PPP3R1: variants seen among roughly 807,000 people sequenced by gnomAD.
PPP3R1 encodes calcineurin subunit B type 1.
PPP3R1 carries 5 observed loss-of-function variants against 22.6 expected under a neutral mutation model. That is an observed-to-expected ratio of 0.22 (90% CI 0.12 to 0.46). The LOEUF is 0.46. Ranked by LOEUF, PPP3R1 falls within the 20% of genes least tolerant of loss-of-function variation. The pLI, the probability that PPP3R1 is intolerant of heterozygous loss-of-function variation, is 0.99. For synonymous variants in PPP3R1, 56 were observed against 65.2 expected, an observed-to-expected ratio of 0.86 and a Z score of 0.68; for missense variants, 61 against 203.2, an observed-to-expected ratio of 0.30 and a Z score of 4.25.
chr2:68,233,016 T>G (rs1669949519), intron 1 of PPP3R1, among the ~76,000 whole-genome samples: 1 of 152,220 alleles, frequency 6.6e-6, no homozygotes, highest in South Asian at 2.1e-4. Context: ...AAACACTTTC[T>G]TATTTGCTTA....
chr2:68,233,503 C>T (rs1553409015), intron 1 of PPP3R1, among the ~76,000 whole-genome samples: 1 of 152,100 alleles, frequency 6.6e-6, no homozygotes, highest in Non-Finnish European at 1.5e-5. Context: ...TCTCGAAATA[C>T]TGAGTATTAT....
chr2:68,212,003 G>A (rs974991365), intron 2 of PPP3R1, among the ~76,000 whole-genome samples: 1 of 152,146 alleles, frequency 6.6e-6, no homozygotes, highest in African/African-American at 2.4e-5. Context: ...TCAAACTCTT[G>A]TTTATACTGA....
intron 1 of PPP3R1, among the ~76,000 whole-genome samples, chr2:68,250,195 A>G (rs550140764): frequency 2.0e-5 from 3 of 152,216 alleles, no homozygotes; most frequent in African/African-American, 7.2e-5. Context: ...TAAATACTGA[A>G]AAGGGAGCTG....
intron 2 of PPP3R1, among the ~76,000 whole-genome samples, chr2:68,193,437 T>G (rs1231186623): frequency 1.3e-5 from 2 of 152,138 alleles, no homozygotes; most frequent in East Asian, 3.8e-4. Flanking sequence ...AAATACTCAG[T>G]ATTTACAATC....
In PPP3R1 at chr2:68,252,259, G is replaced by A. The variant is rs1490863961; in HGVS notation, c.-132C>T. 2.8e-6 allele frequency: 3 copies of A among 1,066,858 alleles called. No individual in the cohort carries two copies. The African/African-American group carries it at 5.1e-5, about 18-fold the overall frequency. The allele number at this position is 1,066,858 out of a possible 1,614,324, so 66.1% of individuals were successfully genotyped here. Reference sequence around the variant, plus strand: ...CGCCGGCGGGGAGGGGGCGCGCGTGGGGGAGGGGAGGCGGCGCCGCGGGGC... The same window carrying A: ...CGCCGGCGGGGAGGGGGCGCGCGTGAGGGAGGGGAGGCGGCGCCGCGGGGC... On this transcript the variant is annotated 5_prime_UTR_variant, in exon 1 of 6. Transcript: ENST00000234310.
At chr2:68,246,067 C>CTTTTTT (rs746584723) in intron 1 of PPP3R1, among the ~76,000 whole-genome samples, 110 of 73,738 alleles carry the variant, frequency 1.5e-3, no homozygotes, top group East Asian at 2.5e-3. Context: ...TTCTTTCTTT[C>CTTTTTT]TTTTTTTTTT....
intron 2 of PPP3R1, among the ~76,000 whole-genome samples, chr2:68,201,702 C>A (rs1674977539): frequency 6.6e-6 from 1 of 152,120 alleles, no homozygotes; most frequent in Non-Finnish European, 1.5e-5. Flanking sequence ...CTTCCCAAGT[C>A]CTTAAATTTC....
At chr2:68,233,391 A>G (rs971226216) in intron 1 of PPP3R1, among the ~76,000 whole-genome samples, 4 of 152,210 alleles carry the variant, frequency 2.6e-5, no homozygotes, top group African/African-American at 9.7e-5. Flanking sequence ...CTCCAGAACA[A>G]CTGGAGTTTT....
At chr2:68,234,464 C>T (rs1248682330) in intron 1 of PPP3R1, among the ~76,000 whole-genome samples, 2 of 152,130 alleles carry the variant, frequency 1.3e-5, no homozygotes, top group African/African-American at 2.4e-5. Flanking sequence ...ATCATAAAGC[C>T]GCAGCCATTC....
chr2:68,199,719 TCTC>T (rs1204739264), intron 2 of PPP3R1, among the ~76,000 whole-genome samples: 1 of 152,242 alleles, frequency 6.6e-6, no homozygotes, highest in African/African-American at 2.4e-5. Context: ...AAGATGTTTT[TCTC>T]TTTTGTCAAA....
At chr2:68,191,550 A>T (rs1674669009) in intron 2 of PPP3R1, among the ~76,000 whole-genome samples, 1 of 151,982 alleles carries the variant, frequency 6.6e-6, no homozygotes, top group Admixed American at 6.6e-5. Context: ...GACTTTATAA[A>T]CTCTGTACAC....
intron 1 of PPP3R1, among the ~76,000 whole-genome samples, chr2:68,218,893 A>G (rs1669631199): frequency 6.6e-6 from 1 of 152,094 alleles, no homozygotes; most frequent in African/African-American, 2.4e-5. Flanking sequence ...TATCTCACCT[A>G]TTTATCTGTA....
intron 2 of PPP3R1, among the ~76,000 whole-genome samples, chr2:68,194,125 A>G (rs892442604): frequency 1.3e-5 from 2 of 152,160 alleles, no homozygotes; most frequent in Non-Finnish European, 2.9e-5. Flanking sequence ...ATTATATTAG[A>G]CAAAATATTA....
intron 2 of PPP3R1, among the ~76,000 whole-genome samples, chr2:68,198,790 C>G (rs993166541): frequency 6.6e-6 from 1 of 152,090 alleles, no homozygotes; most frequent in African/African-American, 2.4e-5. Context: ...ATCTTTGTAA[C>G]AAGTCTTCTA....
chr2:68,236,457 C>T (rs143524819), intron 1 of PPP3R1, among the ~76,000 whole-genome samples: 1 of 152,284 alleles, frequency 6.6e-6, no homozygotes, highest in East Asian at 1.9e-4. Flanking sequence ...TTACCCCTAA[C>T]CTAAAATGAA....
rs1396611593 is a variant in PPP3R1, at chr2:68,180,879, CAGAG to C, written c.*80_*83del. 2.0e-5 allele frequency: 27 copies of C among 1,356,212 alleles called. No homozygotes were observed. Among genetic ancestry groups the C allele is most frequent in the South Asian group, 2.4e-5 (2 of 81,686 alleles). 84.0% of individuals were successfully genotyped at this position (1,356,212 alleles called of 1,614,324 possible). ...AGAAAAATACTTCCATTTAAATACA[CAGAG>C]AGCATTGCTGGACGTCTTGAGCAGA... On this transcript the variant is annotated 3_prime_UTR_variant, in exon 6 of 6. Coordinates refer to ENST00000234310, the MANE Select transcript of PPP3R1 (RefSeq NM_000945.4).
At position 68,186,676 on chromosome 2, in the gene PPP3R1, A is replaced by G. The variant is rs1419715007; in HGVS notation, c.281-24T>C. The G allele has an allele frequency of 2.1e-5, 33 of 1,557,328 alleles. 1 individual carries two copies. The highest frequency in any genetic ancestry group is 1.7e-4 in the Middle Eastern group (1 of 5,962). ...AACTAAAAAAAAGGAAGGAAAATCA[A>G]TTCCAATTACAAAGCAATCACAAGT... On this transcript the variant is annotated intron_variant, in intron 4 of 5. Coordinates refer to ENST00000234310, the MANE Select transcript of PPP3R1 (RefSeq NM_000945.4).
chr2:68,186,717 G>A, intron 4 of PPP3R1, 65 bp from the exon 5 acceptor site: 2 of 1,352,252 alleles, frequency 1.5e-6, no homozygotes, highest in South Asian at 2.6e-5. Context: ...CTTTCAGTAA[G>A]AAAGAAAATA....
intron 2 of PPP3R1, among the ~76,000 whole-genome samples, chr2:68,204,666 C>T (rs776468588): frequency 2.2e-4 from 34 of 152,144 alleles, no homozygotes; most frequent in Non-Finnish European, 3.8e-4. Flanking sequence ...GTATGTAAAA[C>T]GCTTAGAATA....
Sources: allele counts gnomAD v4.1 joint callset (sites outside exome capture counted in the v4.1 genomes callset), GRCh38; gene constraint gnomAD v4.1.1; transcripts MANE v1.5; gene names NCBI Gene and HGNC (gene_info 2026-07-23, HGNC 2026-07-21).